Variants in ANKDD1A observed in about 807,000 individuals in gnomAD.
The protein encoded by ANKDD1A is ankyrin repeat and death domain containing 1A, also known as ankyrin repeat and death domain-containing protein 1A.
A neutral mutation model predicts 63.5 loss-of-function variants in ANKDD1A; 59 were observed. The observed-to-expected ratio is 0.93, with a 90% confidence interval of 0.75 to 1.15. The LOEUF (loss-of-function observed/expected upper bound fraction) is 1.15, where lower values mean the gene tolerates loss of function less well. ANKDD1A is among the 50% of genes most tolerant of loss of function. ANKDD1A has a pLI of 0.00. For synonymous variants in ANKDD1A, 266 were observed against 263.9 expected, an observed-to-expected ratio of 1.01 and a Z score of -0.08; for missense variants, 632 against 656.4, an observed-to-expected ratio of 0.96 and a Z score of 0.41.
rs527898311 is a variant in ANKDD1A at position 64,951,224 on chromosome 15, C to T, written c.1483+1252C>T. 12 of 990,418 alleles carry T rather than the reference C, an allele frequency of 1.2e-5. No individual in the cohort carries two copies. In the East Asian group the frequency reaches 4.5e-4, roughly 37 times the overall value. The allele number at this position is 990,418 out of a possible 1,614,324, so 61.4% of individuals were successfully genotyped here. On this transcript the variant is annotated intron_variant, in intron 14 of 14. Transcript: ENST00000319580. ...GGATGGGTCCAAGGGCCTGTAATCCCGTCCAACAGGTATGGTCCTTTTGAG... is the reference window on the plus strand; with the variant it reads ...GGATGGGTCCAAGGGCCTGTAATCCTGTCCAACAGGTATGGTCCTTTTGAG...
In ANKDD1A at chr15:64,947,423, C is replaced by G. The variant is rs2085232154; in HGVS notation, c.1181C>G (p.Ser394Cys). Residue 394 changes from serine to cysteine, a missense_variant, in exon 13 of 15, where the codon TCT becomes TGT. Physicochemically the swap from Ser to Cys is moderately radical, Grantham distance 112. Coordinates refer to ENST00000319580, the MANE Select transcript of ANKDD1A (RefSeq NM_182703.6). ...CCACAGGACCACCCCAGTGATCCCT[C>G]TGGGAAGAGCTTGTCCTTTAAGCAG... ...RWEKDHPSDPSGKSLSFKQDH... is the reference protein window; with the variant it reads ...RWEKDHPSDPCGKSLSFKQDH... 1.2e-6 allele frequency: 2 copies of G among 1,613,888 alleles called. No homozygotes were observed. Among genetic ancestry groups the G allele is most frequent in the Non-Finnish European group, 1.7e-6 (2 of 1,179,852 alleles).
At chr15:64,942,793 A>G (rs1342308301) in intron 10 of ANKDD1A, among the ~76,000 whole-genome samples, 4 of 151,702 alleles carry the variant, frequency 2.6e-5, no homozygotes, top group South Asian at 4.1e-4. Context: ...GCCACGGTCT[A>G]TAACATTACA....
chr15:64,939,361 C>A (rs954481284), intron 9 of ANKDD1A, among the ~76,000 whole-genome samples: 1 of 152,104 alleles, frequency 6.6e-6, no homozygotes, highest in African/African-American at 2.4e-5. Context: ...TGGTGGCTCA[C>A]ACTTGTAATT....
chr15:64,930,736 C>T (rs1361431690), intron 6 of ANKDD1A, 86 bp from the exon 7 acceptor site: 1 of 1,344,320 alleles, frequency 7.4e-7, no homozygotes, highest in African/African-American at 1.4e-5. Context: ...GGCACTGACC[C>T]AGTGTGCATG....
At chr15:64,936,866 C>T (rs1203857652) in intron 9 of ANKDD1A, among the ~76,000 whole-genome samples, 1 of 151,960 alleles carries the variant, frequency 6.6e-6, no homozygotes, top group Non-Finnish European at 1.5e-5. Flanking sequence ...TTTAAAAATT[C>T]CCACAAATCA....
intron 14 of ANKDD1A, chr15:64,950,960 T>G (rs1221682938): frequency 2.4e-6 from 3 of 1,270,618 alleles, no homozygotes; most frequent in Non-Finnish European, 3.1e-6. Flanking sequence ...ACAGAAAATA[T>G]CAGGAAGAAA....
chr15:64,938,869 C>T (rs2085157150), intron 9 of ANKDD1A, among the ~76,000 whole-genome samples: 1 of 151,210 alleles, frequency 6.6e-6, no homozygotes, highest in Non-Finnish European at 1.5e-5. Flanking sequence ...CACTTCAACT[C>T]AGGAGGCGGA....
chr15:64,947,383 C>CT (rs1234024421), intron 12 of ANKDD1A, 21 bp from the exon 13 acceptor site: 1 of 1,604,562 alleles, frequency 6.2e-7, no homozygotes, highest in African/African-American at 1.3e-5. Flanking sequence ...AGCTTCTGCA[C>CT]TTTTGGGATC....
chr15:64,952,258 T>TTCC (rs1428822084), intron 14 of ANKDD1A, among the ~76,000 whole-genome samples: 1 of 150,584 alleles, frequency 6.6e-6, no homozygotes, highest in Admixed American at 6.6e-5. Flanking sequence ...CTTCTCCTTC[T>TTCC]TCCTTCTCCT....
intron 14 of ANKDD1A, among the ~76,000 whole-genome samples, chr15:64,953,173 CTTCT>C (rs1217595803): frequency 2.2e-3 from 58 of 26,620 alleles, no homozygotes; most frequent in Admixed American, 4.6e-3. Context: ...TCCTTCTTTT[CTTCT>C]TTTTCTTCTT....
intron 4 of ANKDD1A, among the ~76,000 whole-genome samples, chr15:64,924,271 A>G (rs535268352): frequency 1.3e-5 from 2 of 152,220 alleles, no homozygotes; most frequent in Non-Finnish European, 2.9e-5. Context: ...CTGCCTCAGG[A>G]CAGCAAAAGA....
At chr15:64,934,614 C>T (rs1425849035) in intron 9 of ANKDD1A, among the ~76,000 whole-genome samples, 2 of 151,030 alleles carry the variant, frequency 1.3e-5, no homozygotes, top group Admixed American at 6.6e-5. Context: ...ATTCTCCTGC[C>T]TCAGCCTCCT....
At chr15:64,912,033 T>G in intron 1 of ANKDD1A, 69 bp downstream of exon 1, 1 of 1,228,736 alleles carries the variant, frequency 8.1e-7, no homozygotes, top group Non-Finnish European at 1.0e-6. Flanking sequence ...GTTTGGGGAG[T>G]GCCAGGGGTG....
In ANKDD1A at chr15:64,921,295, A is replaced by G. The variant is rs570287490; in HGVS notation, c.268-626A>G. Among the ~76,000 whole-genome samples the G allele has an allele frequency of 4.2e-4, 64 of 152,344 alleles. 1 individual carries two copies. In the South Asian group the frequency reaches 0.013, roughly 31 times the overall value. Reference sequence around the variant, plus strand: ...GCTTTATTTGTCAAGTATATATTCTAAGATTGGTTCCTTACAAATTTTTTC... The same window carrying G: ...GCTTTATTTGTCAAGTATATATTCTGAGATTGGTTCCTTACAAATTTTTTC... On this transcript the variant is annotated intron_variant, in intron 3 of 14. Coordinates refer to ENST00000319580, the MANE Select transcript of ANKDD1A (RefSeq NM_182703.6).
In ANKDD1A at chr15:64,917,455, C is replaced by A. The variant is rs1043969770; in HGVS notation, c.208C>A (p.His70Asn). 2 of 1,607,130 alleles carry A rather than the reference C, an allele frequency of 1.2e-6. No homozygotes were observed. Among genetic ancestry groups the A allele is most frequent in the Non-Finnish European group, 1.7e-6 (2 of 1,177,312 alleles). ...GCAGGCTGTGCGTCTGCTTCTGGAG[C>A]ACGAGGCTGCTGTGGACGAGGAGGA... ...HEQAVRLLLE[H>N]EAAVDEEDAV... The change falls in exon 3 of 15, where the codon CAC becomes AAC. Residue 70 changes from histidine (H) to asparagine (N), a missense_variant. His to Asn is a moderately conservative substitution (Grantham distance 68). Transcript: ENST00000319580.
Position 64,917,372 on chromosome 15 carries a change from C to A in ANKDD1A, c.139-14C>A. 6.3e-7 allele frequency: 1 copy of A among 1,594,688 alleles called. No homozygotes were observed. The highest frequency in any genetic ancestry group is 8.6e-7 in the Non-Finnish European group (1 of 1,168,674). ...GGCAGCAGCACCTGACAAGTGTCATCTCCCTCCGGGCAGGTGGGCAGGGTG... is the reference window on the plus strand; with the variant it reads ...GGCAGCAGCACCTGACAAGTGTCATATCCCTCCGGGCAGGTGGGCAGGGTG... On this transcript the variant is annotated splice_polypyrimidine_tract_variant and intron_variant, in intron 2 of 14. Transcript: ENST00000319580.
chr15:64,953,300 TCTTTTA>T (rs1252219108), intron 14 of ANKDD1A, among the ~76,000 whole-genome samples: 10 of 150,472 alleles, frequency 6.6e-5, no homozygotes, highest in Admixed American at 2.0e-4. Flanking sequence ...TCTTTCTTCT[TCTTTTA>T]CTTTTTTCTT....
At chr15:64,927,331 G>C (rs191411797) in intron 6 of ANKDD1A, among the ~76,000 whole-genome samples, 16 of 152,332 alleles carry the variant, frequency 1.1e-4, no homozygotes, top group African/African-American at 3.8e-4. Context: ...GCCTGGAGTG[G>C]GTTGAGCAGG....
chr15:64,953,097 TTTC>T (rs1286788897), intron 14 of ANKDD1A, among the ~76,000 whole-genome samples: 84 of 149,312 alleles, frequency 5.6e-4, no homozygotes, highest in Non-Finnish European at 8.5e-4. Context: ...CTTCTTATAC[TTTC>T]TTTTCTTTCT....
Sources: allele counts gnomAD v4.1 joint callset (sites outside exome capture counted in the v4.1 genomes callset), GRCh38; gene constraint gnomAD v4.1.1; transcripts MANE v1.5; gene names NCBI Gene and HGNC (gene_info 2026-07-23, HGNC 2026-07-21).